Variants in UBE4A observed in about 807,000 individuals in gnomAD.
UBE4A encodes the protein ubiquitin conjugation factor E4 A.
Under a neutral mutation model 117.9 loss-of-function variants are expected in UBE4A, and 48 were observed. The ratio of observed to expected loss-of-function variants is 0.41; its 90% confidence interval spans 0.32 to 0.52. UBE4A has a LOEUF of 0.52. UBE4A is among the 20% of genes least tolerant of loss of function. The pLI, the probability that UBE4A is intolerant of heterozygous loss-of-function variation, is 0.33. For missense variants in UBE4A, 1,067 were observed against 1,296.3 expected (o/e 0.82, Z 2.72); for synonymous variants, 407 against 450.0 (o/e 0.90, Z 1.21).
intron 1 of UBE4A, among the ~76,000 whole-genome samples, chr11:118,363,101 T>C (rs1342724707): frequency 6.6e-6 from 1 of 152,238 alleles, no homozygotes; most frequent in Admixed American, 6.5e-5. Context: ...AAGACAATTC[T>C]TGGTGTTTTT....
intron 6 of UBE4A, 171 bp downstream of exon 6, chr11:118,372,837 G>A: frequency 1.9e-6 from 2 of 1,054,084 alleles, no homozygotes; most frequent in Non-Finnish European, 2.7e-6. Flanking sequence ...GCTGGGCATG[G>A]TAGCACACCC....
intron 18 of UBE4A, 61 bp downstream of exon 18, chr11:118,390,865 G>C: frequency 1.9e-6 from 3 of 1,584,354 alleles, no homozygotes; most frequent in Non-Finnish European, 1.7e-6. Context: ...AGCCAGGCAT[G>C]ATGGCTCAAG....
At chr11:118,368,500 T>A in intron 2 of UBE4A, 131 bp from the exon 3 acceptor site, 1 of 1,047,918 alleles carries the variant, frequency 9.5e-7, no homozygotes, top group Non-Finnish European at 1.4e-6. Flanking sequence ...CTTGAGATGT[T>A]CACTAATTAG....
intron 6 of UBE4A, 72 bp from the exon 7 acceptor site, chr11:118,373,014 G>T: frequency 1.4e-5 from 17 of 1,249,652 alleles, no homozygotes; most frequent in Non-Finnish European, 1.9e-5. Flanking sequence ...ATTATTGAAA[G>T]TAAAGAGCTA....
In UBE4A at chr11:118,373,605, G is replaced by T. The variant is rs756479938; in HGVS notation, c.1036G>T (p.Val346Leu). The T allele has an allele frequency of 2.2e-5, 36 of 1,614,178 alleles. No homozygotes were observed. In the African/African-American group the frequency reaches 3.6e-4, roughly 16 times the overall value. Residue 346 changes from valine (V) to leucine (L), a missense_variant, in exon 8 of 20, where the codon GTA becomes TTA. Physicochemically the swap from Val to Leu is conservative, Grantham distance 32. Around this residue, in one of 3 missense-constraint regions of UBE4A, gnomAD observed 1,001 missense variants for 1,184.0 expected, o/e 0.85. Transcript: ENST00000252108. ...ISCLLKTPGV[V>L]ENHGYFLNPS... ...CTGCTTATTAAAGACTCCGGGTGTT[G>T]TAGAAAATCATGGCTACTTTTTGAA... is the stretch of plus-strand genomic sequence containing the variant.
intron 8 of UBE4A, among the ~76,000 whole-genome samples, chr11:118,374,014 T>TGA (rs1948630489): frequency 6.6e-6 from 1 of 151,770 alleles, no homozygotes; most frequent in Non-Finnish European, 1.5e-5. Context: ...CTCGGGAGGC[T>TGA]GAGGTGGGAG....
chr11:118,380,084 T>A (rs1306257656), intron 11 of UBE4A, among the ~76,000 whole-genome samples: 14 of 151,456 alleles, frequency 9.2e-5, no homozygotes, highest in African/African-American at 3.2e-4. Context: ...AGAAAAAAAA[T>A]TAGCTCCTGC....
intron 4 of UBE4A, among the ~76,000 whole-genome samples, chr11:118,371,171 CTT>C (rs1432191130): frequency 6.6e-6 from 1 of 152,282 alleles, no homozygotes; most frequent in East Asian, 1.9e-4. Flanking sequence ...TTTGGAGTAT[CTT>C]TATATAAGTC....
intron 2 of UBE4A, among the ~76,000 whole-genome samples, chr11:118,366,895 C>T (rs1948567817): frequency 6.6e-6 from 1 of 152,070 alleles, no homozygotes; most frequent in African/African-American, 2.4e-5. Context: ...ATGACAAAAC[C>T]CCGTCTCTAC....
At chr11:118,377,207 ATCGTTG>A (rs1948660387) in intron 10 of UBE4A, among the ~76,000 whole-genome samples, 1 of 152,098 alleles carries the variant, frequency 6.6e-6, no homozygotes, top group South Asian at 2.1e-4. Context: ...TTTAACTTTT[ATCGTTG>A]TCGTTGTTGT....
chr11:118,379,851 A>G (rs1948685516), intron 11 of UBE4A, 101 bp downstream of exon 11: 2 of 1,353,572 alleles, frequency 1.5e-6, no homozygotes, highest in South Asian at 1.5e-5. Flanking sequence ...CTTCGTTATC[A>G]TTCAGTTGTT....
intron 16 of UBE4A, among the ~76,000 whole-genome samples, chr11:118,388,105 G>A (rs1948775924): frequency 6.6e-6 from 1 of 152,138 alleles, no homozygotes; most frequent in South Asian, 2.1e-4. Context: ...ATACTCATTA[G>A]GACAGCACAT....
chr11:118,368,710 G>C lies in UBE4A; in HGVS notation c.201G>C (p.Glu67Asp). The C allele has an allele frequency of 1.2e-6, 2 of 1,614,178 alleles. No individual in the cohort carries two copies. The highest frequency in any genetic ancestry group is 2.2e-5 in the East Asian group (1 of 44,876). The change falls in exon 3 of 20, where the codon GAG becomes GAC. Residue 67 changes from glutamate to aspartate, a missense_variant. Coordinates refer to ENST00000252108, the MANE Select transcript of UBE4A (RefSeq NM_001204077.2). ...ATGAATTCGATTACTCTGTGGCTGA[G>C]ATTAGCCGCTCATTCCGATCACAGC... ...SLDEFDYSVA[E>D]ISRSFRSQQE...
chr11:118,362,278 A>G (rs1948526461), intron 1 of UBE4A, among the ~76,000 whole-genome samples: 1 of 152,116 alleles, frequency 6.6e-6, no homozygotes, highest in Non-Finnish European at 1.5e-5. Context: ...GCACGCCACC[A>G]TGCCTGGCTA....
At chr11:118,378,802 G>A (rs1948675497) in intron 10 of UBE4A, 1 of 152,242 alleles carries the variant, frequency 6.6e-6, no homozygotes, top group Non-Finnish European at 1.5e-5. Context: ...TATCTACAGG[G>A]CCAAAGGAAA....
chr11:118,381,411 G>C lies in UBE4A; in HGVS notation c.1897G>C (p.Gly633Arg), dbSNP rs942908013. 1.2e-6 allele frequency: 2 copies of C among 1,613,862 alleles called. No individual in the cohort carries two copies. The highest frequency in any genetic ancestry group is 8.5e-7 in the Non-Finnish European group (1 of 1,179,892). The change falls in exon 12 of 20, where the codon GGT (glycine) becomes CGT (arginine). Residue 633 changes from glycine to arginine, a missense_variant. Gly to Arg is a moderately radical substitution (Grantham distance 125). Transcript: ENST00000252108. The stretch of plus-strand genomic sequence containing the variant: ...TTCAGAATTTTTTGCAGATAACCTG[G>C]GTGATTTTCTCATTTTTCTCCGCCG... Reference protein sequence around the residue: ...YVPEFFADNLGDFLIFLRRFA... With the variant: ...YVPEFFADNLRDFLIFLRRFA...
At chr11:118,382,907 T>C in intron 13 of UBE4A, 131 bp downstream of exon 13, 1 of 838,698 alleles carries the variant, frequency 1.2e-6, no homozygotes, top group Non-Finnish European at 1.6e-6. Flanking sequence ...ATGCCAGGCT[T>C]GATGATAAGT....
intron 1 of UBE4A, among the ~76,000 whole-genome samples, chr11:118,364,491 C>T (rs1047886569): frequency 2.0e-5 from 3 of 152,070 alleles, no homozygotes; most frequent in African/African-American, 7.2e-5. Context: ...AGCTGAACTG[C>T]TTCCAGTCCT....
intron 15 of UBE4A, among the ~76,000 whole-genome samples, chr11:118,385,560 T>G (rs1289276026): frequency 6.6e-6 from 1 of 152,208 alleles, no homozygotes; most frequent in Non-Finnish European, 1.5e-5. Flanking sequence ...AGTGTATTAT[T>G]TCCTTAACCT....
Sources: gnomAD v4.1 joint callset for allele counts (sites outside exome capture counted in the v4.1 genomes callset) on GRCh38, gnomAD v4.1.1 for gene constraint, gnomAD v4.1.1 regional missense constraint, MANE v1.5 for transcripts, NCBI Gene and HGNC (gene_info 2026-07-23, HGNC 2026-07-21) for gene names.